The following PHACTR2 variants were observed in gnomAD, a reference collection of about 807,000 sequenced individuals.
The protein encoded by PHACTR2 is chromosome 6 open reading frame 56.
Under a neutral mutation model 76.0 loss-of-function variants are expected in PHACTR2, and 30 were observed. The ratio of observed to expected loss-of-function variants is 0.39; its 90% CI spans 0.30 to 0.54. The LOEUF (loss-of-function observed/expected upper bound fraction) is 0.54, where lower values mean the gene tolerates loss of function less well. Among genes scored for constraint, PHACTR2 ranks in the 20% least tolerant of loss-of-function variants. The probability of loss-of-function intolerance (pLI) is 0.61; values close to 1 mark genes in which losing one functional copy is unlikely to be tolerated. For missense variants in PHACTR2, 696 were observed against 781.1 expected (o/e 0.89, Z 1.30); for synonymous variants, 292 against 292.5 (o/e 1.00, Z 0.02).
chr6:143,796,653 A>G (rs968748548), intron 11 of PHACTR2, among the ~76,000 whole-genome samples: 2 of 151,828 alleles, frequency 1.3e-5, no homozygotes, highest in Non-Finnish European at 2.9e-5. Context: ...GAGTGAGAAC[A>G]TGCGGTGTTT....
At position 143,540,596 on chromosome 6, in the gene PHACTR2, C is replaced by G. The variant is rs1359162818; in HGVS notation, c.217+3389C>G. 2.6e-5 allele frequency among the ~76,000 whole-genome samples: 4 copies of G among 152,020 alleles called. No homozygotes were observed. In the East Asian group the frequency reaches 7.7e-4, roughly 29 times the overall value. On this transcript the variant is annotated intron_variant, in intron 1 of 11. Coordinates refer to the PHACTR2 transcript ENST00000367584. Reference sequence around the variant, plus strand: ...AGAGAATCGGCTTCCCCTGACTATGCTAGATTATTACTAGATTTTTGTCAA... The same window carrying G: ...AGAGAATCGGCTTCCCCTGACTATGGTAGATTATTACTAGATTTTTGTCAA...
intron 1 of PHACTR2, among the ~76,000 whole-genome samples, chr6:143,559,814 G>A (rs557735384): frequency 7.3e-6 from 1 of 136,820 alleles, no homozygotes; most frequent in South Asian, 2.4e-4. Flanking sequence ...AGGTTCAATC[G>A]ATTCTCCTGC....
chr6:143,773,819 A>T (rs1775208590), intron 7 of PHACTR2, among the ~76,000 whole-genome samples: 1 of 152,234 alleles, frequency 6.6e-6, no homozygotes, highest in African/African-American at 2.4e-5. Flanking sequence ...GATACTTCTA[A>T]GTTTTTTCAT....
intron 1 of PHACTR2, among the ~76,000 whole-genome samples, chr6:143,634,028 T>C (rs903413224): frequency 1.3e-5 from 2 of 152,228 alleles, no homozygotes; most frequent in African/African-American, 4.8e-5. Context: ...CAGGTATGCC[T>C]ACTGACATCA....
At chr6:143,605,889 A>T (rs182569102), upstream of PHACTR2, among the ~76,000 whole-genome samples, 17 of 152,318 alleles carry the variant, frequency 1.1e-4, no homozygotes, top group Admixed American at 9.8e-4. The surrounding 1 kb of genome is among the most constrained non-coding windows in gnomAD (Gnocchi z 5.0). Flanking sequence ...GTATGATGTG[A>T]TATAATGACA....
At position 143,680,328 on chromosome 6, in the gene PHACTR2, T is replaced by C. The variant is rs1199807490; in HGVS notation, c.46+2119T>C. On this transcript the variant is annotated intron_variant, in intron 1 of 12. Transcript: ENST00000440869. The surrounding 1 kb of genome is among the most constrained non-coding windows in gnomAD (Gnocchi z 4.5). The stretch of plus-strand genomic sequence containing the variant: ...TCCTTGTTCTGTTTGATCTTAGCCA[T>C]TGACTAGTTGTTTAAGTCTGGAGCA... Among the ~76,000 whole-genome samples the C allele has an allele frequency of 6.6e-6, 1 of 152,178 alleles. No homozygotes were observed. The highest frequency in any genetic ancestry group is 1.5e-5 in the Non-Finnish European group (1 of 68,010).
intron 11 of PHACTR2, among the ~76,000 whole-genome samples, chr6:143,796,009 T>C (rs1213662265): frequency 1.3e-5 from 2 of 152,204 alleles, no homozygotes; most frequent in South Asian, 2.1e-4. Flanking sequence ...GTCCAACAGG[T>C]CACTCAGTAA....
chr6:143,614,332 C>T (rs1396535609), intron 1 of PHACTR2, among the ~76,000 whole-genome samples: 3 of 152,150 alleles, frequency 2.0e-5, no homozygotes, highest in Admixed American at 1.3e-4. Context: ...TCATATTAAC[C>T]TCAGGTTCTC....
chr6:143,635,654 G>T (rs73007264), intron 1 of PHACTR2, among the ~76,000 whole-genome samples: 180 of 152,150 alleles, frequency 1.2e-3, no homozygotes, highest in Non-Finnish European at 2.0e-3. Flanking sequence ...AATTTGTTTT[G>T]TCTAGTGCCA....
At chr6:143,612,140 C>T (rs1002897430) in intron 1 of PHACTR2, among the ~76,000 whole-genome samples, 30 of 152,174 alleles carry the variant, frequency 2.0e-4, no homozygotes, top group African/African-American at 7.2e-4. Context: ...TTCCTGCCTC[C>T]TCTCCCTCCA....
Position 143,795,869 on chromosome 6 carries a change from G to A in PHACTR2, c.1845+6959G>A, listed in dbSNP as rs1775810318. ...AGCTATTACCAATATTATACTCATA[G>A]TCAGGGATGAGAAGCCAAGCTTTGT... is the stretch of plus-strand genomic sequence containing the variant. On this transcript the variant is annotated intron_variant, in intron 11 of 12. Transcript: ENST00000440869. The surrounding 1 kb of genome is among the most constrained non-coding windows in gnomAD (Gnocchi z 4.8). Among the ~76,000 whole-genome samples the A allele has an allele frequency of 6.6e-6, 1 of 152,192 alleles. No individual in the cohort carries two copies. The highest frequency in any genetic ancestry group is 1.5e-5 in the Non-Finnish European group (1 of 68,046).
At chr6:143,693,874 G>T (rs1777707550) in intron 1 of PHACTR2, among the ~76,000 whole-genome samples, 1 of 152,136 alleles carries the variant, frequency 6.6e-6, no homozygotes, top group Non-Finnish European at 1.5e-5. Context: ...TTCATGACCA[G>T]CCTGGGCAAT....
upstream of PHACTR2, among the ~76,000 whole-genome samples, chr6:143,605,191 G>A (rs980985402): frequency 2.0e-5 from 3 of 152,052 alleles, no homozygotes; most frequent in African/African-American, 7.2e-5. This position sits in a 1 kb window ranked among gnomAD's most constrained non-coding sequence, Gnocchi z 5.0. Context: ...CACACTGAGG[G>A]TACTTGGATG....
intron 9 of PHACTR2, among the ~76,000 whole-genome samples, chr6:143,778,770 A>G (rs1294178690): frequency 6.6e-6 from 1 of 152,200 alleles, no homozygotes; most frequent in African/African-American, 2.4e-5. Flanking sequence ...GTCTTACTGG[A>G]TGCCTGATCC....
chr6:143,765,576 C>T lies in PHACTR2; in HGVS notation c.1010C>T (p.Pro337Leu), dbSNP rs532238141. ...NTGKFKSMVP[P>L]PPVAPAPSPL... ...GGCAAATTCAAGTCCATGGTCCCTC[C>T]ACCCCCTGTGGCTCCAGCACCTTCT... Residue 337 changes from proline to leucine, a missense_variant, in exon 6 of 13, where the codon CCA becomes CTA. Coordinates refer to ENST00000440869, the MANE Select transcript of PHACTR2 (RefSeq NM_001100164.2). The surrounding 1 kb of genome is among the most constrained non-coding windows in gnomAD (Gnocchi z 4.1). 2 of 1,614,038 alleles carry T rather than the reference C, an allele frequency of 1.2e-6. No individual in the cohort carries two copies. The highest frequency in any genetic ancestry group is 1.7e-5 in the Admixed American group (1 of 60,008).
chr6:143,548,581 C>A lies in PHACTR2; in HGVS notation c.217+11374C>A, dbSNP rs1373404697. 6.6e-6 allele frequency among the ~76,000 whole-genome samples: 1 copy of A among 152,078 alleles called. No homozygotes were observed. The highest frequency in any genetic ancestry group is 1.9e-4 in the East Asian group (1 of 5,198). On this transcript the variant is annotated intron_variant, in intron 1 of 11. Coordinates refer to the PHACTR2 transcript ENST00000367584. This position sits in a 1 kb window ranked among gnomAD's most constrained non-coding sequence, Gnocchi z 4.5. The stretch of plus-strand genomic sequence containing the variant: ...GCCAGGTAGCCATTCCTGACACCAG[C>A]TATATCCGTTTTGTTGGACAGAGAC...
At chr6:143,588,754 A>G (rs1274885954) in intron 1 of PHACTR2, among the ~76,000 whole-genome samples, 1 of 152,226 alleles carries the variant, frequency 6.6e-6, no homozygotes, top group African/African-American at 2.4e-5. Context: ...TATTAGAAAT[A>G]AAAAGGAACA....
chr6:143,582,831 T>C (rs1348828869), intron 1 of PHACTR2, among the ~76,000 whole-genome samples: 1 of 152,220 alleles, frequency 6.6e-6, no homozygotes, highest in East Asian at 1.9e-4. Context: ...AGGTACGTGA[T>C]GTATTTGGCA....
In PHACTR2 at chr6:143,556,932, C is replaced by G. The variant is rs1373669274; in HGVS notation, c.217+19725C>G. On this transcript the variant is annotated intron_variant, in intron 1 of 11. Transcript: ENST00000367584. The surrounding 1 kb of genome is among the most constrained non-coding windows in gnomAD (Gnocchi z 4.3). ...TGAGAAGATATGCTGCCTGTCTGTC[C>G]TCCTCCCTCAGAGAGACCACATTTC... 6.6e-6 allele frequency among the ~76,000 whole-genome samples: 1 copy of G among 152,138 alleles called. No homozygotes were observed. Among genetic ancestry groups the G allele is most frequent in the Non-Finnish European group, 1.5e-5 (1 of 68,028 alleles).
Sources: allele counts gnomAD v4.1 joint callset (sites outside exome capture counted in the v4.1 genomes callset), GRCh38; gene constraint gnomAD v4.1.1; non-coding constraint Gnocchi (gnomAD v3.1); transcripts MANE v1.5; gene names NCBI Gene and HGNC (gene_info 2026-07-23, HGNC 2026-07-21).